The following HAGH variants were observed in gnomAD, a reference collection of about 807,000 sequenced individuals.
HAGH encodes the protein hydroxyacylglutathione hydrolase.
A neutral mutation model predicts 35.1 loss-of-function variants in HAGH; 29 were observed. That is an observed-to-expected ratio of 0.83 (90% CI 0.62 to 1.13). The LOEUF (loss-of-function observed/expected upper bound fraction) is 1.13, where lower values mean the gene tolerates loss of function less well. Ranked by LOEUF, HAGH falls within the 50% of genes most tolerant of loss-of-function variation. HAGH has a pLI of 0.00. For synonymous variants in HAGH, 225 were observed against 176.1 expected, an observed-to-expected ratio of 1.28 and a Z score of -2.20; for missense variants, 478 against 419.6, an observed-to-expected ratio of 1.14 and a Z score of -1.22.
chr16:1,816,284 G>A (rs1005718917), intron 7 of HAGH, among the ~76,000 whole-genome samples: 3 of 151,614 alleles, frequency 2.0e-5, no homozygotes, highest in Non-Finnish European at 2.9e-5. Flanking sequence ...AGTAAATACT[G>A]TAAAATAATG....
intron 7 of HAGH, among the ~76,000 whole-genome samples, chr16:1,816,222 A>AT (rs199955851): frequency 0.036 from 5,373 of 151,300 alleles, 394 homozygotes; most frequent in African/African-American, 0.12. Flanking sequence ...ATTAAAAAAA[A>AT]AAAAAAGATG....
In HAGH at chr16:1,816,977, G is replaced by A. The variant is rs758965361; in HGVS notation, c.663C>T (p.His221=). Residue 221 remains histidine, a synonymous_variant, in exon 7 of 9, where the codon CAC becomes CAT. Coordinates refer to ENST00000397356, the MANE Select transcript of HAGH (RefSeq NM_005326.6). ...LPPDTRVYCG[H]EYTINNLKFA... ...ACTTGAGGTTGTTGATGGTGTACTC[G>A]TGGCCACAGTAGACTCTCTGAGGAG... is the stretch of plus-strand genomic sequence containing the variant. 8.7e-6 allele frequency: 14 copies of A among 1,611,570 alleles called. No homozygotes were observed. Among genetic ancestry groups the A allele is most frequent in the South Asian group, 6.6e-5 (6 of 91,052 alleles).
At chr16:1,812,356 T>C (rs1897687747) in intron 7 of HAGH, 1 of 149,204 alleles carries the variant, frequency 6.7e-6, no homozygotes, top group South Asian at 2.1e-4. Flanking sequence ...ATATAAAAAT[T>C]ACCCAGGCAT....
chr16:1,810,152 C>A, intron 7 of HAGH: 2 of 232,292 alleles, frequency 8.6e-6, no homozygotes, highest in African/African-American at 4.4e-5. Context: ...ACAGCGACAT[C>A]ACGTCTCAAA....
intron 3 of HAGH, chr16:1,821,434 T>A (rs1207021474): frequency 6.6e-6 from 1 of 152,206 alleles, no homozygotes; most frequent in Non-Finnish European, 1.5e-5. Context: ...GGGTCCTGGC[T>A]CAGGAGAAAG....
chr16:1,826,930 T>C, upstream of HAGH: 1 of 631,630 alleles, frequency 1.6e-6, no homozygotes, highest in Non-Finnish European at 2.5e-6. Flanking sequence ...ATCAACGCGC[T>C]CGCGCTCAAC....
In HAGH at chr16:1,817,335, G is replaced by T. The variant is rs867932580; in HGVS notation, c.542-64C>A. The T allele has an allele frequency of 2.9e-5, 30 of 1,036,994 alleles. No homozygotes were observed. The Middle Eastern group carries it at 3.2e-3, about 110-fold the overall frequency. The allele number at this position is 1,036,994 out of a possible 1,614,324, so 64.2% of individuals were successfully genotyped here. On this transcript the variant is annotated intron_variant, in intron 5 of 8. Transcript: ENST00000397356. Reference sequence around the variant, plus strand: ...GGCTGGTGGCTAGGACTCAGGAGGGGGCCAGGAGCAGGGTGACACTCACCG... The same window carrying T: ...GGCTGGTGGCTAGGACTCAGGAGGGTGCCAGGAGCAGGGTGACACTCACCG...
At chr16:1,813,309 T>C (rs1040380250) in intron 7 of HAGH, among the ~76,000 whole-genome samples, 3 of 152,236 alleles carry the variant, frequency 2.0e-5, no homozygotes, top group African/African-American at 7.2e-5. Context: ...AGAAGCAGCC[T>C]GAGGCCTCAC....
intron 7 of HAGH, among the ~76,000 whole-genome samples, chr16:1,814,249 C>T (rs930281080): frequency 1.3e-5 from 2 of 151,990 alleles, no homozygotes; most frequent in African/African-American, 4.8e-5. Flanking sequence ...CCAAGGTGGG[C>T]AGATCACCTG....
intron 3 of HAGH, 52 bp from the exon 4 acceptor site, chr16:1,820,066 TGCTGAGCTGAGGGGGCTGC>T (rs769072501): frequency 3.0e-5 from 30 of 1,011,822 alleles, no homozygotes; most frequent in Non-Finnish European, 4.7e-5. Flanking sequence ...GGGGGCTGCC[TGCTGAGCTGAGGGGGCTGC>T]CTGCTGAGCT....
chr16:1,813,516 G>C (rs973679455), intron 7 of HAGH, among the ~76,000 whole-genome samples: 2 of 152,108 alleles, frequency 1.3e-5, no homozygotes, highest in East Asian at 3.8e-4. Context: ...AAGTGCTTAG[G>C]GATCCATTTA....
chr16:1,809,475 G>A (rs1629513), intron 8 of HAGH, 93 bp from the exon 9 acceptor site: 778,468 of 1,039,208 alleles, frequency 0.75, 293,100 homozygotes, highest in Admixed American at 0.79. Flanking sequence ...CGTGCTGGCC[G>A]AGCCCAGCCC....
At position 1,824,031 on chromosome 16, in the gene HAGH, G is replaced by A. The variant is rs34419509; in HGVS notation, c.77-994C>T. ...GGCCATCTGCCCTCCAGCAAGCTGTGCTGCCACCACTGACTAAGCGAGCCT... is the reference window on the plus strand; with the variant it reads ...GGCCATCTGCCCTCCAGCAAGCTGTACTGCCACCACTGACTAAGCGAGCCT... On this transcript the variant is annotated intron_variant, in intron 1 of 8. Coordinates refer to ENST00000397356, the MANE Select transcript of HAGH (RefSeq NM_005326.6). Among the ~76,000 whole-genome samples, 903 of 152,232 alleles carry A rather than the reference G, an allele frequency of 5.9e-3. 33 individuals carry two copies. In the East Asian group the frequency reaches 0.1, roughly 18 times the overall value.
chr16:1,813,255 A>G (rs1390493208), intron 7 of HAGH, among the ~76,000 whole-genome samples: 1 of 152,176 alleles, frequency 6.6e-6, no homozygotes, highest in Non-Finnish European at 1.5e-5. Flanking sequence ...TCCTCTGGCC[A>G]CATGCTTCAC....
At position 1,819,208 on chromosome 16, in the gene HAGH, C is replaced by A. The variant is rs200922408; in HGVS notation, c.448G>T (p.Val150Phe). 9.3e-6 allele frequency: 15 copies of A among 1,609,424 alleles called. No homozygotes were observed. Among genetic ancestry groups the A allele is most frequent in the Non-Finnish European group, 1.3e-5 (15 of 1,176,952 alleles). The change falls in exon 5 of 9, where the codon GTC (valine) becomes TTC (phenylalanine). Residue 150 changes from valine (V) to phenylalanine (F), a missense_variant. By Grantham distance (50) the Val-to-Phe change is conservative (BLOSUM62 -1). Coordinates refer to ENST00000397356, the MANE Select transcript of HAGH (RefSeq NM_005326.6). ...TGGCACGGGGTCGCCAGGCACTTGA[C>A]GTTCAGAGACCCCACCTTCAACAAA... Reference protein sequence around the residue: ...LSTLQVGSLNVKCLATPCHTS... With the variant: ...LSTLQVGSLNFKCLATPCHTS...
intron 1 of HAGH, among the ~76,000 whole-genome samples, chr16:1,824,949 G>A (rs551600657): frequency 1.1e-4 from 17 of 152,274 alleles, no homozygotes; most frequent in African/African-American, 3.9e-4. Context: ...GGTGCAGAAG[G>A]GTTGTGACAG....
chr16:1,825,246 A>G (rs1898344752), intron 1 of HAGH, among the ~76,000 whole-genome samples: 1 of 152,140 alleles, frequency 6.6e-6, no homozygotes. Flanking sequence ...TGAGCCCGGG[A>G]GGCAGAGGTT....
At chr16:1,811,542 G>A (rs985870431) in intron 7 of HAGH, among the ~76,000 whole-genome samples, 32 of 151,520 alleles carry the variant, frequency 2.1e-4, no homozygotes, top group African/African-American at 7.8e-4. Context: ...GTGAAACCCC[G>A]TCTCTACTAA....
chr16:1,816,078 T>C (rs1218536265), intron 7 of HAGH, among the ~76,000 whole-genome samples: 1 of 148,980 alleles, frequency 6.7e-6, no homozygotes, highest in Non-Finnish European at 1.5e-5. Context: ...GTAGTTGGGA[T>C]TACAAGCGTG....
Sources: allele counts gnomAD v4.1 joint callset (sites outside exome capture counted in the v4.1 genomes callset), GRCh38; gene constraint gnomAD v4.1.1; transcripts MANE v1.5; gene names NCBI Gene and HGNC (gene_info 2026-07-23, HGNC 2026-07-21).